Variants in LOC128706665 observed in about 807,000 individuals in gnomAD.
chr20:10,430,902 G>A, the LOC128706665 span, among the ~76,000 whole-genome samples: 1 of 152,146 alleles, frequency 6.6e-6, no homozygotes, highest in East Asian at 1.9e-4. Flanking sequence ...ACACGCTGTT[G>A]GTCTGAAACA....
At chr20:10,417,389 T>C in the LOC128706665 span, among the ~76,000 whole-genome samples, 3 of 152,192 alleles carry the variant, frequency 2.0e-5, no homozygotes, top group African/African-American at 4.8e-5. Context: ...GGCAGGAGGA[T>C]TGCTTGAGGC....
chr20:10,416,988 T>C, the LOC128706665 span, among the ~76,000 whole-genome samples: 3 of 152,084 alleles, frequency 2.0e-5, no homozygotes, highest in Non-Finnish European at 4.4e-5. Flanking sequence ...AGAAAAAAAG[T>C]TTGCCAATTT....
chr20:10,420,202 A>T, the LOC128706665 span, among the ~76,000 whole-genome samples: 4 of 152,294 alleles, frequency 2.6e-5, no homozygotes, highest in South Asian at 8.3e-4. Context: ...AATAGAAGAA[A>T]ATAATCTTGT....
chr20:10,433,872 C>T, the LOC128706665 span, among the ~76,000 whole-genome samples: 5 of 152,180 alleles, frequency 3.3e-5, no homozygotes, highest in African/African-American at 1.2e-4. Flanking sequence ...GCGGGAAGAC[C>T]TCCTCGCCGC....
the LOC128706665 span, among the ~76,000 whole-genome samples, chr20:10,423,637 T>C: frequency 1.8e-3 from 274 of 152,314 alleles, 7 homozygotes; most frequent in South Asian, 0.046. Context: ...GAAAATTATA[T>C]AGGGTTAGCT....
chr20:10,413,813 T>C, the LOC128706665 span: 1 of 524,640 alleles, frequency 1.9e-6, no homozygotes, highest in Non-Finnish European at 3.4e-6. Flanking sequence ...AAAAGTATGT[T>C]CCAAGATGGA....
At chr20:10,430,823 G>T in the LOC128706665 span, among the ~76,000 whole-genome samples, 1 of 152,212 alleles carries the variant, frequency 6.6e-6, no homozygotes, top group East Asian at 1.9e-4. Flanking sequence ...TCTAATAACA[G>T]TTAATAGAGC....
At chr20:10,433,772 G>A in the LOC128706665 span, among the ~76,000 whole-genome samples, 5 of 152,134 alleles carry the variant, frequency 3.3e-5, no homozygotes, top group East Asian at 1.9e-4. Flanking sequence ...TCCCAGCGAG[G>A]GAGGGGACGG....
chr20:10,428,402 C>T, the LOC128706665 span, among the ~76,000 whole-genome samples: 1 of 152,184 alleles, frequency 6.6e-6, no homozygotes, highest in Non-Finnish European at 1.5e-5. Flanking sequence ...GAGCCCATTT[C>T]TACCCTTCAT....
chr20:10,428,931 G>A, the LOC128706665 span, among the ~76,000 whole-genome samples: 23 of 152,088 alleles, frequency 1.5e-4, no homozygotes, highest in Non-Finnish European at 2.9e-4. Context: ...ACTTTCTACT[G>A]TGTCTTTGGG....
the LOC128706665 span, among the ~76,000 whole-genome samples, chr20:10,422,488 T>A: frequency 1.3e-5 from 2 of 152,010 alleles, no homozygotes; most frequent in African/African-American, 4.8e-5. Flanking sequence ...GGGGGAGGAA[T>A]TTAGAGTAAG....
the LOC128706665 span, among the ~76,000 whole-genome samples, chr20:10,423,123 A>G: frequency 1.3e-5 from 2 of 151,834 alleles, no homozygotes; most frequent in South Asian, 2.1e-4. Flanking sequence ...AAACTCAAGG[A>G]AAAAAAACCC....
At chr20:10,428,793 G>A in the LOC128706665 span, among the ~76,000 whole-genome samples, 3 of 152,122 alleles carry the variant, frequency 2.0e-5, no homozygotes, top group Non-Finnish European at 4.4e-5. Flanking sequence ...ACAGTGAGTC[G>A]AGATCGCGCC....
the LOC128706665 span, among the ~76,000 whole-genome samples, chr20:10,416,521 T>A: frequency 4.6e-4 from 70 of 151,648 alleles, no homozygotes; most frequent in Middle Eastern, 0.014. Context: ...ATAACTGAAA[T>A]AAATGCAAAC....
chr20:10,422,713 C>CTTT, the LOC128706665 span, among the ~76,000 whole-genome samples: 2 of 143,474 alleles, frequency 1.4e-5, no homozygotes, highest in African/African-American at 2.6e-5. Flanking sequence ...GTTATATTAT[C>CTTT]TTTTTTTTTT....
the LOC128706665 span, among the ~76,000 whole-genome samples, chr20:10,427,031 C>CACACACACAGACACACACACACACACAG: frequency 3.4e-5 from 1 of 29,740 alleles, no homozygotes; most frequent in African/African-American, 7.5e-5. Flanking sequence ...AAAACACTGA[C>CACACACACAGACACACACACACACACAG]ACACACACAC....
At chr20:10,424,988 G>C in the LOC128706665 span, among the ~76,000 whole-genome samples, 1 of 151,618 alleles carries the variant, frequency 6.6e-6, no homozygotes, top group Non-Finnish European at 1.5e-5. Context: ...GGGAGGCGGA[G>C]GTTGCAGTGA....
the LOC128706665 span, among the ~76,000 whole-genome samples, chr20:10,422,089 C>A: frequency 6.6e-6 from 1 of 152,130 alleles, no homozygotes. Flanking sequence ...GTTAAATAGT[C>A]TGAACCATCT....
the LOC128706665 span, chr20:10,431,784 C>T: frequency 9.2e-5 from 14 of 152,188 alleles, no homozygotes; most frequent in African/African-American, 3.4e-4. Context: ...TGCTATATTC[C>T]TAGTGCGTAG....
Sources: gnomAD v4.1 joint callset for allele counts (sites outside exome capture counted in the v4.1 genomes callset) on GRCh38, gnomAD v4.1.1 for gene constraint, MANE v1.5 for transcripts.